Variants in ANKFN1 observed in about 807,000 individuals in gnomAD.
The protein encoded by ANKFN1 is ankyrin repeat and fibronectin type-III domain-containing protein 1.
A neutral mutation model predicts 108.7 loss-of-function variants in ANKFN1; 74 were observed. The ratio of observed to expected loss-of-function variants is 0.68; its 90% CI spans 0.56 to 0.83. ANKFN1 has a LOEUF of 0.83. ANKFN1 is among the 40% of genes least tolerant of loss of function. The pLI is 0.00. For synonymous variants in ANKFN1, 547 were observed against 516.2 expected (o/e 1.06, Z -0.81); for missense variants, 1,505 against 1,382.3 (o/e 1.09, Z -1.41).
intron 3 of ANKFN1, among the ~76,000 whole-genome samples, chr17:56,291,206 T>C (rs1181004777): frequency 1.3e-5 from 2 of 152,208 alleles, no homozygotes; most frequent in Non-Finnish European, 2.9e-5. Context: ...CAAAAATCTA[T>C]GTGTATTTGA....
At chr17:56,251,111 C>T (rs2043224239) in intron 3 of ANKFN1, among the ~76,000 whole-genome samples, 2 of 152,198 alleles carry the variant, frequency 1.3e-5, no homozygotes, top group South Asian at 4.1e-4. Flanking sequence ...CTTCTGAAGG[C>T]TGACCACAGT....
intron 3 of ANKFN1, among the ~76,000 whole-genome samples, chr17:56,274,430 G>A (rs142143679): frequency 0.015 from 2,257 of 152,126 alleles, 50 homozygotes; most frequent in African/African-American, 0.05. Context: ...CTGAGATCGC[G>A]CCACTACACT....
chr17:56,088,769 T>G (rs1905360119), intron 4 of ANKFN1, among the ~76,000 whole-genome samples: 2 of 151,254 alleles, frequency 1.3e-5, no homozygotes, highest in African/African-American at 2.4e-5. Context: ...GTAAGCTTTG[T>G]CCTCCCTTGT....
chr17:56,169,576 A>G (rs1469277162), intron 1 of ANKFN1, among the ~76,000 whole-genome samples: 2 of 152,128 alleles, frequency 1.3e-5, no homozygotes, highest in Non-Finnish European at 2.9e-5. Flanking sequence ...GCCTTCTAAT[A>G]TTTTTATGAA....
intron 4 of ANKFN1, among the ~76,000 whole-genome samples, chr17:56,132,725 C>T (rs1907355236): frequency 2.0e-5 from 3 of 152,104 alleles, no homozygotes; most frequent in Admixed American, 1.3e-4. Context: ...GATGAGGGCG[C>T]TCTTCTGGGT....
At chr17:56,208,817 CCTTTCTTTT>C in intron 1 of ANKFN1, among the ~76,000 whole-genome samples, 1 of 152,212 alleles carries the variant, frequency 6.6e-6, no homozygotes, top group East Asian at 1.9e-4. Context: ...ACAGAGGTCT[CCTTTCTTTT>C]CTTTCTTTGC....
Position 56,370,871 on chromosome 17 carries a change from G to A in ANKFN1, c.602-1775G>A, listed in dbSNP as rs149396297. ...TTAGTACTGACTTGTCAATCTCACT[G>A]CTCCAGGAAATTGCACCTTGAGGCT... On this transcript the variant is annotated intron_variant, in intron 6 of 20. Coordinates refer to ENST00000682825, the MANE Select transcript of ANKFN1 (RefSeq NM_001370326.1). Among the ~76,000 whole-genome samples, 812 of 152,032 alleles carry A rather than the reference G, an allele frequency of 5.3e-3. 5 individuals are homozygous for A. Among genetic ancestry groups the A allele is most frequent in the African/African-American group, 0.018 (765 of 41,458 alleles).
intron 14 of ANKFN1, 117 bp downstream of exon 14, chr17:56,458,096 A>C (rs2049776038): frequency 1.3e-6 from 1 of 797,518 alleles, no homozygotes; most frequent in Non-Finnish European, 2.0e-6. Flanking sequence ...TCAGACCCCT[A>C]AGAATATGAA....
intron 1 of ANKFN1, among the ~76,000 whole-genome samples, chr17:56,177,772 T>C (rs1911306919): frequency 6.6e-6 from 1 of 152,132 alleles, no homozygotes; most frequent in Admixed American, 6.5e-5. Context: ...CTCCTAATTT[T>C]ACTATAACTG....
chr17:56,091,162 T>C (rs1905409164), intron 4 of ANKFN1, among the ~76,000 whole-genome samples: 1 of 150,978 alleles, frequency 6.6e-6, no homozygotes, highest in Non-Finnish European at 1.5e-5. Flanking sequence ...CTGTAGAGAA[T>C]GGTAGAACGT....
chr17:56,113,270 G>A (rs1161548325), intron 4 of ANKFN1, among the ~76,000 whole-genome samples: 3 of 152,056 alleles, frequency 2.0e-5, no homozygotes. Flanking sequence ...TAGGATTTTT[G>A]GGTAATAAAC....
rs1175130181 is a variant in ANKFN1 at position 56,449,158 on chromosome 17, A to C, written c.1179A>C (p.Arg393=). 6.2e-7 allele frequency: 1 copy of C among 1,613,396 alleles called. No individual in the cohort carries two copies. The highest frequency in any genetic ancestry group is 8.5e-7 in the Non-Finnish European group (1 of 1,179,628). ...TGGAAGGTCTGCTGCAGCAGGTCCG[A>C]GCCCTTCATCAGCATTACAGTTGCC... ...EVLEGLLQQV[R]ALHQHYSCRE... Residue 393 remains arginine, a synonymous_variant, in exon 11 of 21, where the codon CGA becomes CGC. Coordinates refer to ENST00000682825, the MANE Select transcript of ANKFN1 (RefSeq NM_001370326.1).
At chr17:56,138,367 A>C (rs1907712745) in intron 4 of ANKFN1, among the ~76,000 whole-genome samples, 1 of 152,192 alleles carries the variant, frequency 6.6e-6, no homozygotes, top group Non-Finnish European at 1.5e-5. Flanking sequence ...AAACAGAATG[A>C]AGTAAATCTT....
intron 4 of ANKFN1, among the ~76,000 whole-genome samples, chr17:56,128,410 G>C (rs369108974): frequency 5.3e-5 from 8 of 152,304 alleles, no homozygotes; most frequent in African/African-American, 1.9e-4. Flanking sequence ...TTGATTATCA[G>C]GAGTGTTGCC....
intron 1 of ANKFN1, among the ~76,000 whole-genome samples, chr17:56,182,265 G>A (rs748486467): frequency 3.3e-5 from 5 of 152,304 alleles, no homozygotes; most frequent in African/African-American, 4.8e-5. Flanking sequence ...AAGGCAGGTC[G>A]AAAGCCAAGA....
intron 4 of ANKFN1, among the ~76,000 whole-genome samples, chr17:56,142,953 C>T (rs1377176481): frequency 6.6e-6 from 1 of 152,108 alleles, no homozygotes; most frequent in Non-Finnish European, 1.5e-5. Flanking sequence ...TTCCCAGAGG[C>T]GCGATCTGAT....
At chr17:56,467,793 AG>A (rs751597607) in intron 15 of ANKFN1, among the ~76,000 whole-genome samples, 1,918 of 20,600 alleles carry the variant, frequency 0.093, 85 homozygotes, top group African/African-American at 0.27. Flanking sequence ...GAAAGAAAGA[AG>A]AAAGAAAGAA....
At chr17:56,067,145 C>T (rs1322361495) in intron 4 of ANKFN1, among the ~76,000 whole-genome samples, 1 of 152,022 alleles carries the variant, frequency 6.6e-6, no homozygotes, top group Non-Finnish European at 1.5e-5. Flanking sequence ...GCCGAGATTG[C>T]ACCACTGCAC....
At chr17:56,175,614 C>T (rs1325163797) in intron 1 of ANKFN1, among the ~76,000 whole-genome samples, 2 of 152,190 alleles carry the variant, frequency 1.3e-5, no homozygotes, top group Non-Finnish European at 2.9e-5. Context: ...CAGATCCCCA[C>T]CTGCCTTCAC....
Sources: gnomAD v4.1 joint callset for allele counts (sites outside exome capture counted in the v4.1 genomes callset) on GRCh38, gnomAD v4.1.1 for gene constraint, MANE v1.5 for transcripts, NCBI Gene and HGNC (gene_info 2026-07-23, HGNC 2026-07-21) for gene names.